Variants in DBN1 observed in about 807,000 individuals in gnomAD.
DBN1 encodes the protein drebrin.
A neutral mutation model predicts 83.5 loss-of-function variants in DBN1; 21 were observed. The ratio of observed to expected loss-of-function variants is 0.25; its 90% confidence interval spans 0.18 to 0.36. The LOEUF (loss-of-function observed/expected upper bound fraction) is 0.36, where lower values mean the gene tolerates loss of function less well. Among genes scored for constraint, DBN1 ranks in the 10% least tolerant of loss-of-function variants. The pLI, the probability that DBN1 is intolerant of heterozygous loss-of-function variation, is 1.00. For missense variants in DBN1, 874 were observed against 935.7 expected, an observed-to-expected ratio of 0.93 and a Z score of 0.86; for synonymous variants, 381 against 384.9, an observed-to-expected ratio of 0.99 and a Z score of 0.12.
chr5:177,458,067 C>T lies in DBN1; in HGVS notation c.1905G>A (p.Glu635=), dbSNP rs1214498662. 6.2e-7 allele frequency: 1 copy of T among 1,613,740 alleles called. No homozygotes were observed. The highest frequency in any genetic ancestry group is 1.3e-5 in the African/African-American group (1 of 74,914). The part of the protein sequence containing the change: ...LLTNGETTQK[E]GTQASEGYFS... ...GCAGTCCCTGCCGCACCTGGGTCCC[C>T]TCCTTCTGGGTGGTCTCGCCATTGG... Residue 635 remains glutamate (E), a synonymous_variant, in exon 13 of 15, where the codon GAG becomes GAA. Transcript: ENST00000393565.
chr5:177,459,544 G>A (rs1316676410), intron 11 of DBN1, 59 bp downstream of exon 11: 5 of 1,441,292 alleles, frequency 3.5e-6, no homozygotes, highest in Non-Finnish European at 4.6e-6. Flanking sequence ...AGGGCGGGGG[G>A]CTGCTGGGAA....
At chr5:177,463,982 C>G (rs1176112710) in intron 8 of DBN1, among the ~76,000 whole-genome samples, 1 of 150,402 alleles carries the variant, frequency 6.6e-6, no homozygotes, top group Non-Finnish European at 1.5e-5. Context: ...GGGCATGGAG[C>G]CGTGCACCTG....
At chr5:177,457,911 C>CA in intron 13 of DBN1, 147 bp downstream of exon 13, 1 of 1,004,378 alleles carries the variant, frequency 1.0e-6, no homozygotes, top group Non-Finnish European at 1.4e-6. Flanking sequence ...AGAGCCGGCC[C>CA]AGGGAGGGAG....
At chr5:177,462,299 A>G in intron 8 of DBN1, 2 of 985,150 alleles carry the variant, frequency 2.0e-6, no homozygotes, top group Non-Finnish European at 2.4e-6. Flanking sequence ...ACCCGTTCCC[A>G]CCTCCAAGCC....
At chr5:177,462,356 G>A (rs2127396641) in intron 8 of DBN1, 6 of 985,426 alleles carry the variant, frequency 6.1e-6, no homozygotes, top group African/African-American at 3.5e-5. Context: ...CTCCCCACCC[G>A]GGGGCCAGGC....
At position 177,467,367 on chromosome 5, in the gene DBN1, A is replaced by G. The variant is rs533618883; in HGVS notation, c.478-35T>C. ...CGAAGGACCCAGCATAAGCAGGCTG[A>G]ATGCCCCAGGAACCCCCGACACCTA... is the stretch of plus-strand genomic sequence containing the variant. On this transcript the variant is annotated intron_variant, in intron 5 of 14. Transcript: ENST00000393565. This position sits in a 1 kb window ranked among gnomAD's most constrained non-coding sequence, Gnocchi z 9.1. 7.2e-5 allele frequency: 117 copies of G among 1,613,916 alleles called. No homozygotes were observed. The South Asian group carries it at 1.2e-3, about 16-fold the overall frequency.
chr5:177,471,637 C>T (rs1437479033), intron 1 of DBN1, among the ~76,000 whole-genome samples: 1 of 152,146 alleles, frequency 6.6e-6, no homozygotes, highest in African/African-American at 2.4e-5. Flanking sequence ...ATCCTCACAC[C>T]CCTTTTTCAA....
chr5:177,465,854 C>CA (rs111807451), intron 8 of DBN1, among the ~76,000 whole-genome samples: 2,044 of 69,632 alleles, frequency 0.029, 31 homozygotes, highest in African/African-American at 0.061. Context: ...GACTCCATCT[C>CA]AAAAAAAAAA....
intron 8 of DBN1, among the ~76,000 whole-genome samples, chr5:177,461,558 GCTCA>G: frequency 6.6e-6 from 1 of 152,242 alleles, no homozygotes; most frequent in South Asian, 2.1e-4. Context: ...TGGGCACCAG[GCTCA>G]CTCACTCACT....
Position 177,467,991 on chromosome 5 carries a change from CAT to C in DBN1, c.255+115_255+116del. ...CAGTTCCCTTCCCCAGCCCCGGCCG[CAT>C]ACCCAGTTGATGAGCAGCTCTGGGC... On this transcript the variant is annotated intron_variant, in intron 3 of 14. Coordinates refer to ENST00000393565, the MANE Select transcript of DBN1 (RefSeq NM_001363541.2). This position sits in a 1 kb window ranked among gnomAD's most constrained non-coding sequence, Gnocchi z 9.1. 4.8e-6 allele frequency: 5 copies of C among 1,048,858 alleles called. No individual in the cohort carries two copies. Among genetic ancestry groups the C allele is most frequent in the Admixed American group, 1.8e-5 (1 of 55,296 alleles). 65.0% of individuals were successfully genotyped at this position (1,048,858 alleles called of 1,614,324 possible). A position where few individuals can be genotyped will look rare whatever the true frequency, so the allele number is the denominator to read the frequency against.
Position 177,473,498 on chromosome 5 carries a change from G to T in DBN1, c.24C>A (p.Gly8=). The change falls in exon 1 of 15, where the codon GGC becomes GGA. Residue 8 remains glycine (G), a synonymous_variant. Transcript: ENST00000393565. MAGVSFS[G]HRLELLAAYE... ...AAGCCGCCAGCAGCTCCAGGCGGTG[G>T]CCGCTGAAGCTGACGCCGGCCATGC... 7.0e-7 allele frequency: 1 copy of T among 1,432,826 alleles called. No individual in the cohort carries two copies. Among genetic ancestry groups the T allele is most frequent in the Non-Finnish European group, 9.2e-7 (1 of 1,085,522 alleles). The allele number at this position is 1,432,826 out of a possible 1,614,324, so 88.8% of individuals were successfully genotyped here. A position where few individuals can be genotyped will look rare whatever the true frequency, so the allele number is the denominator to read the frequency against.
chr5:177,473,254 G>A, intron 1 of DBN1, 182 bp downstream of exon 1: 1 of 275,922 alleles, frequency 3.6e-6, no homozygotes, highest in Non-Finnish European at 6.6e-6. Context: ...GCAGTGCCCC[G>A]CCTGGCCCGC....
chr5:177,459,041 G>T, intron 12 of DBN1, 57 bp downstream of exon 12: 1 of 1,542,016 alleles, frequency 6.5e-7, no homozygotes, highest in Non-Finnish European at 8.7e-7. Context: ...GCAACCTGGG[G>T]CTCCCAGCCA....
chr5:177,458,773 A>AC (rs1756770802), intron 12 of DBN1, 66 bp from the exon 13 acceptor site: 2 of 1,372,514 alleles, frequency 1.5e-6, no homozygotes, highest in East Asian at 5.0e-5. Flanking sequence ...GACCCTGCCC[A>AC]CCCACTAAGG....
Position 177,458,544 on chromosome 5 carries a change from A to G in DBN1, c.1428T>C (p.Ala476=). 6.2e-7 allele frequency: 1 copy of G among 1,614,148 alleles called. No individual in the cohort carries two copies. Among genetic ancestry groups the G allele is most frequent in the Non-Finnish European group, 8.5e-7 (1 of 1,179,994 alleles). The part of the protein sequence containing the change: ...DLMFMESAEQ[A]VLAAPVEPAT... The stretch of plus-strand genomic sequence containing the variant: ...CAGGCTCCACGGGAGCAGCCAGGAC[A>G]GCCTGCTCTGCAGACTCCATGAACA... Residue 476 remains alanine (A), a synonymous_variant, in exon 13 of 15, where the codon GCT becomes GCC. Transcript: ENST00000393565.
Position 177,457,410 on chromosome 5 carries a change from G to A in DBN1, c.*23C>T. Reference sequence around the variant, plus strand: ...ATGCAGGTGGGCGGCCTTGGCAAGGGTAGCCTAGGGCTGGCGCCACCGCTA... The same window carrying A: ...ATGCAGGTGGGCGGCCTTGGCAAGGATAGCCTAGGGCTGGCGCCACCGCTA... On this transcript the variant is annotated 3_prime_UTR_variant, in exon 15 of 15. Transcript: ENST00000393565. 6.2e-7 allele frequency: 1 copy of A among 1,609,362 alleles called. No individual in the cohort carries two copies. Among genetic ancestry groups the A allele is most frequent in the South Asian group, 1.1e-5 (1 of 90,964 alleles).
chr5:177,467,838 A>T lies in DBN1; in HGVS notation c.256-21T>A. ...CCCACCTGCAAAGTACCCAGCAAAG[A>T]GGGGGTCAGGAAAGGACAAGGGGGG... On this transcript the variant is annotated intron_variant, in intron 3 of 14. Coordinates refer to ENST00000393565, the MANE Select transcript of DBN1 (RefSeq NM_001363541.2). This position sits in a 1 kb window ranked among gnomAD's most constrained non-coding sequence, Gnocchi z 9.1. 1 of 1,573,988 alleles carries T rather than the reference A, an allele frequency of 6.4e-7. No individual in the cohort carries two copies. Among genetic ancestry groups the T allele is most frequent in the East Asian group, 2.4e-5 (1 of 41,566 alleles).
At position 177,457,734 on chromosome 5, in the gene DBN1, T is replaced by C. The variant is rs1756629982; in HGVS notation, c.1938A>G (p.Gln646=). The C allele has an allele frequency of 6.2e-7, 1 of 1,611,696 alleles. No homozygotes were observed. Among genetic ancestry groups the C allele is most frequent in the South Asian group, 1.1e-5 (1 of 90,992 alleles). The change falls in exon 14 of 15, where the codon CAA becomes CAG. Residue 646 remains glutamine, a synonymous_variant. Transcript: ENST00000393565. ...GTQASEGYFS[Q]SQEEEFAQSE... is the part of the protein sequence containing the mutation. ...ATTGGGCAAACTCCTCCTCCTGTGA[T>C]TGACTGAAGTACCCCTCACTGGCCT... is the stretch of plus-strand genomic sequence containing the variant.
chr5:177,462,124 G>T, intron 8 of DBN1: 3 of 697,920 alleles, frequency 4.3e-6, no homozygotes, highest in Non-Finnish European at 3.5e-6. Context: ...ACGTTGTTTT[G>T]GGTGGGCAGC....
Sources: gnomAD v4.1 joint callset for allele counts (sites outside exome capture counted in the v4.1 genomes callset) on GRCh38, gnomAD v4.1.1 for gene constraint, Gnocchi (gnomAD v3.1) non-coding constraint, MANE v1.5 for transcripts, NCBI Gene and HGNC (gene_info 2026-07-23, HGNC 2026-07-21) for gene names.